The following SF3B6 variants were observed in gnomAD, a reference collection of about 807,000 sequenced individuals.
SF3B6 encodes splicing factor 3b subunit 6.
In SF3B6, 3 loss-of-function variants were observed where a neutral mutation model predicts 15.9. The observed-to-expected ratio is 0.19, with a 90% CI of 0.09 to 0.49. The LOEUF is 0.49. Among genes scored for constraint, SF3B6 ranks in the 20% least tolerant of loss-of-function variants. SF3B6 has a pLI of 0.97. For synonymous variants in SF3B6, 49 were observed against 51.1 expected (o/e 0.96, Z 0.18); for missense variants, 71 against 154.3 (o/e 0.46, Z 2.86).
chr2:24,069,318 A>C (rs1358319264), intron 2 of SF3B6, among the ~76,000 whole-genome samples: 1 of 152,214 alleles, frequency 6.6e-6, no homozygotes, highest in East Asian at 1.9e-4. Context: ...AACCTTACTT[A>C]TGGATACGAG....
At position 24,074,064 on chromosome 2, in the gene SF3B6, A is replaced by T; in HGVS notation, c.149+12T>A. 7.1e-7 allele frequency: 1 copy of T among 1,413,500 alleles called. No individual in the cohort carries two copies. Among genetic ancestry groups the T allele is most frequent in the Non-Finnish European group, 1.0e-6 (1 of 1,000,626 alleles). The allele number at this position is 1,413,500 out of a possible 1,614,324, so 87.6% of individuals were successfully genotyped here. A position where few individuals can be genotyped will look rare whatever the true frequency, so the allele number is the denominator to read the frequency against. On this transcript the variant is annotated intron_variant, in intron 2 of 3. Transcript: ENST00000233468. ...TGCTATCATTTTCTTTAAATGACTC[A>T]GTAAGACTCACACTCTGATTTGACG...
chr2:24,071,027 CTG>C (rs781676360), intron 2 of SF3B6, among the ~76,000 whole-genome samples: 23 of 151,998 alleles, frequency 1.5e-4, no homozygotes, highest in Non-Finnish European at 2.8e-4. Context: ...GAGTCGCACT[CTG>C]TCGCCCAGGC....
chr2:24,067,901 G>A, intron 3 of SF3B6, 50 bp from the exon 4 acceptor site: 1 of 1,503,764 alleles, frequency 6.6e-7, no homozygotes, highest in South Asian at 1.1e-5. Flanking sequence ...ACAGCCAAAT[G>A]AATTTCATCA....
chr2:24,075,319 G>A (rs1215304406), intron 1 of SF3B6, among the ~76,000 whole-genome samples: 2 of 148,986 alleles, frequency 1.3e-5, no homozygotes, highest in South Asian at 2.1e-4. Context: ...ATATACAATG[G>A]TCAATTGCTT....
intron 1 of SF3B6, among the ~76,000 whole-genome samples, chr2:24,075,890 C>T (rs1664736614): frequency 2.0e-5 from 3 of 151,972 alleles, no homozygotes; most frequent in Non-Finnish European, 4.4e-5. Flanking sequence ...TCTGAGATAT[C>T]GACTTTAAGT....
intron 1 of SF3B6, 126 bp from the exon 2 acceptor site, chr2:24,074,320 A>G: frequency 1.7e-6 from 1 of 576,334 alleles, no homozygotes; most frequent in Non-Finnish European, 3.0e-6. Flanking sequence ...AAAGCCAAGA[A>G]TAAGAGGTAT....
chr2:24,068,043 G>A lies in SF3B6; in HGVS notation c.289-192C>T, dbSNP rs1385636746. ...AGTGGCGTGATCTTGGCTCACTGCA[G>A]GCTCCACCCCCTGGGGTTCACGCCA... On this transcript the variant is annotated intron_variant, in intron 3 of 3. Transcript: ENST00000233468. Among the ~76,000 whole-genome samples, 7 of 152,140 alleles carry A rather than the reference G, an allele frequency of 4.6e-5. No individual in the cohort carries two copies. In the East Asian group the frequency reaches 1.4e-3, roughly 29 times the overall value.
chr2:24,073,561 T>C (rs1481750324), intron 2 of SF3B6: 1 of 152,350 alleles, frequency 6.6e-6, no homozygotes, highest in Non-Finnish European at 1.5e-5. Flanking sequence ...TGCTTGTAAT[T>C]AGATGTTTTC....
At chr2:24,072,954 T>C (rs1664680741) in intron 2 of SF3B6, among the ~76,000 whole-genome samples, 2 of 152,238 alleles carry the variant, frequency 1.3e-5, no homozygotes, top group African/African-American at 4.8e-5. Flanking sequence ...CCCTGAAATA[T>C]ATGCAACATG....
intron 2 of SF3B6, among the ~76,000 whole-genome samples, chr2:24,070,546 T>C (rs1052610200): frequency 6.6e-6 from 1 of 152,194 alleles, no homozygotes; most frequent in Non-Finnish European, 1.5e-5. Flanking sequence ...ACCTTCCACG[T>C]GGGTTTAATA....
intron 2 of SF3B6, among the ~76,000 whole-genome samples, chr2:24,069,996 A>C (rs1200239364): frequency 6.6e-6 from 1 of 152,050 alleles, no homozygotes; most frequent in African/African-American, 2.4e-5. Context: ...ACTTTCTTCT[A>C]TCAGTTCTCT....
chr2:24,072,944 C>A (rs757411424), intron 2 of SF3B6, among the ~76,000 whole-genome samples: 3 of 152,176 alleles, frequency 2.0e-5, no homozygotes, highest in Non-Finnish European at 4.4e-5. Flanking sequence ...TCCATGTATC[C>A]CCTGAAATAT....
rs185717735 is a variant in SF3B6, at chr2:24,074,485, C to T, written c.31-291G>A. 4.5e-3 allele frequency among the ~76,000 whole-genome samples: 677 copies of T among 151,886 alleles called. 3 individuals are homozygous for T. The highest frequency in any genetic ancestry group is 7.9e-3 in the Non-Finnish European group (535 of 67,958). Reference sequence around the variant, plus strand: ...CCAGCCTGGACAACATAGTGAGACCCCCATCTCTACAAAAATTTTAAAAAA... The same window carrying T: ...CCAGCCTGGACAACATAGTGAGACCTCCATCTCTACAAAAATTTTAAAAAA... On this transcript the variant is annotated intron_variant, in intron 1 of 3. Coordinates refer to ENST00000233468, the MANE Select transcript of SF3B6 (RefSeq NM_016047.4).
chr2:24,070,652 T>G (rs1027796429), intron 2 of SF3B6, among the ~76,000 whole-genome samples: 2 of 152,204 alleles, frequency 1.3e-5, no homozygotes, highest in African/African-American at 4.8e-5. Flanking sequence ...TCATCCTGAT[T>G]TGACTGGGAC....
chr2:24,069,065 T>TCAAAC (rs1204024183), intron 2 of SF3B6, among the ~76,000 whole-genome samples: 3 of 152,216 alleles, frequency 2.0e-5, no homozygotes, highest in African/African-American at 7.2e-5. Context: ...CAGGCTGGTC[T>TCAAAC]TAAACTCCTG....
At chr2:24,076,133 C>A in intron 1 of SF3B6, 67 bp downstream of exon 1, 2 of 1,597,610 alleles carry the variant, frequency 1.3e-6, no homozygotes, top group Middle Eastern at 1.7e-4. Context: ...AAGAATGCTC[C>A]GATCCACGCC....
chr2:24,071,153 T>A (rs1305372165), intron 2 of SF3B6, among the ~76,000 whole-genome samples: 1 of 152,012 alleles, frequency 6.6e-6, no homozygotes, highest in Non-Finnish European at 1.5e-5. Context: ...CCACCACGCC[T>A]GGCTAAGTTT....
chr2:24,072,712 C>G (rs554142131), intron 2 of SF3B6, among the ~76,000 whole-genome samples: 3 of 152,276 alleles, frequency 2.0e-5, no homozygotes, highest in Non-Finnish European at 2.9e-5. Flanking sequence ...TATGCTGTTT[C>G]CACATTAAAA....
intron 2 of SF3B6, among the ~76,000 whole-genome samples, chr2:24,072,288 T>G (rs543089757): frequency 6.6e-6 from 1 of 152,316 alleles, no homozygotes; most frequent in African/African-American, 2.4e-5. Context: ...ATCTGGCCTA[T>G]TCTACTATTT....
Sources: allele counts gnomAD v4.1 joint callset (sites outside exome capture counted in the v4.1 genomes callset), GRCh38; gene constraint gnomAD v4.1.1; transcripts MANE v1.5; gene names NCBI Gene and HGNC (gene_info 2026-07-23, HGNC 2026-07-21).